Variants in CADM1 observed in about 807,000 individuals in gnomAD.
CADM1 encodes the protein TSLC-1.
In CADM1, 15 loss-of-function variants were observed where a neutral mutation model predicts 53.1. The observed-to-expected ratio is 0.28, with a 90% CI of 0.19 to 0.44. CADM1 has a LOEUF of 0.44. CADM1 is among the 20% of genes least tolerant of loss of function. The pLI is 1.00. For synonymous variants in CADM1, 281 were observed against 243.0 expected, an observed-to-expected ratio of 1.16 and a Z score of -1.45; for missense variants, 434 against 611.3, an observed-to-expected ratio of 0.71 and a Z score of 3.06.
chr11:115,419,384 A>G (rs1947696733), intron 1 of CADM1, among the ~76,000 whole-genome samples: 1 of 152,148 alleles, frequency 6.6e-6, no homozygotes, highest in African/African-American at 2.4e-5. Flanking sequence ...CTCTTCTTCA[A>G]TCCCAGTAGA....
chr11:115,340,658 A>ATATTTTTTTTTTTTTTT (rs60532835), intron 1 of CADM1, among the ~76,000 whole-genome samples: 2 of 34,944 alleles, frequency 5.7e-5, no homozygotes, highest in African/African-American at 2.8e-4. Flanking sequence ...ATATATATAT[A>ATATTTTTTTTTTTTTTT]TTTTTTTTTT....
intron 1 of CADM1, among the ~76,000 whole-genome samples, chr11:115,295,403 G>T (rs1341677557): frequency 6.7e-6 from 1 of 150,282 alleles, no homozygotes. Flanking sequence ...CACTGCTTCT[G>T]CCCTGGTTAA....
At chr11:115,385,002 T>C (rs1317875879) in intron 1 of CADM1, among the ~76,000 whole-genome samples, 3 of 152,130 alleles carry the variant, frequency 2.0e-5, no homozygotes, top group Admixed American at 6.5e-5. Context: ...CTAATCTAAA[T>C]AGAAGACCCA....
intron 9 of CADM1, among the ~76,000 whole-genome samples, chr11:115,195,622 C>T (rs887401730): frequency 1.3e-5 from 2 of 152,202 alleles, no homozygotes; most frequent in Non-Finnish European, 2.9e-5. Flanking sequence ...CAAATGGTTG[C>T]TGTAATGAAG....
At chr11:115,414,870 G>A (rs1253255861) in intron 1 of CADM1, among the ~76,000 whole-genome samples, 2 of 152,180 alleles carry the variant, frequency 1.3e-5, no homozygotes, top group African/African-American at 2.4e-5. Flanking sequence ...CTTCCACAAT[G>A]AAGTTCAAGC....
At chr11:115,467,570 C>T (rs1948922709) in intron 1 of CADM1, among the ~76,000 whole-genome samples, 1 of 152,140 alleles carries the variant, frequency 6.6e-6, no homozygotes, top group Non-Finnish European at 1.5e-5. Flanking sequence ...CATATTAAGG[C>T]ATAAAGAAAT....
rs556776718 is a variant in CADM1 at position 115,430,527 on chromosome 11, T to A, written c.124+73744A>T. Among the ~76,000 whole-genome samples the A allele has an allele frequency of 2.5e-4, 38 of 152,300 alleles. No individual in the cohort carries two copies. The South Asian group carries it at 7.9e-3, about 32-fold the overall frequency. Reference sequence around the variant, plus strand: ...CCTTAGTGAGAACCACCTACCTGATTTATAGCTCTGTCCACTGCATTCAGA... The same window carrying A: ...CCTTAGTGAGAACCACCTACCTGATATATAGCTCTGTCCACTGCATTCAGA... On this transcript the variant is annotated intron_variant, in intron 1 of 11. Transcript: ENST00000331581.
At chr11:115,444,593 C>T (rs138172603) in intron 1 of CADM1, among the ~76,000 whole-genome samples, 3 of 152,334 alleles carry the variant, frequency 2.0e-5, no homozygotes, top group South Asian at 2.1e-4. Context: ...TCTGAACATA[C>T]ACTTCATTCA....
chr11:115,289,656 C>T (rs1411368048), intron 1 of CADM1, among the ~76,000 whole-genome samples: 2 of 140,914 alleles, frequency 1.4e-5, no homozygotes, highest in African/African-American at 5.3e-5. Context: ...AGTGCAGTGG[C>T]GCGATCTCCG....
chr11:115,396,545 A>G (rs1270947619), intron 1 of CADM1, among the ~76,000 whole-genome samples: 1 of 152,214 alleles, frequency 6.6e-6, no homozygotes, highest in African/African-American at 2.4e-5. Flanking sequence ...AGGAGCACAT[A>G]AAGGTGAAGG....
At chr11:115,494,380 G>T (rs1158081197) in intron 1 of CADM1, among the ~76,000 whole-genome samples, 4 of 152,058 alleles carry the variant, frequency 2.6e-5, no homozygotes, top group African/African-American at 9.7e-5. Flanking sequence ...TCTACCAAAT[G>T]TCTTATGGGT....
intron 1 of CADM1, among the ~76,000 whole-genome samples, chr11:115,241,214 G>A (rs917969508): frequency 5.3e-5 from 8 of 152,106 alleles, no homozygotes; most frequent in Admixed American, 3.3e-4. Flanking sequence ...GATTAGTGAC[G>A]GCAGCCTGGG....
At chr11:115,337,258 A>C (rs1466857092) in intron 1 of CADM1, among the ~76,000 whole-genome samples, 1 of 152,162 alleles carries the variant, frequency 6.6e-6, no homozygotes, top group Non-Finnish European at 1.5e-5. Flanking sequence ...TTTAGCTGGC[A>C]TTATCAGTGC....
chr11:115,273,622 T>C (rs908530340), intron 1 of CADM1, among the ~76,000 whole-genome samples: 1 of 152,170 alleles, frequency 6.6e-6, no homozygotes, highest in African/African-American at 2.4e-5. Context: ...CTTAATTAAG[T>C]CTTTATCATC....
At chr11:115,438,897 T>C (rs918297753) in intron 1 of CADM1, among the ~76,000 whole-genome samples, 16 of 152,300 alleles carry the variant, frequency 1.1e-4, no homozygotes, top group South Asian at 4.2e-4. Context: ...TTCTTTTGCC[T>C]GCATCAGTCA....
intron 1 of CADM1, among the ~76,000 whole-genome samples, chr11:115,468,637 G>A (rs1303614426): frequency 6.6e-6 from 1 of 152,086 alleles, no homozygotes; most frequent in Non-Finnish European, 1.5e-5. Flanking sequence ...GTAGTTTTGT[G>A]GGTTTTGAGT....
intron 1 of CADM1, among the ~76,000 whole-genome samples, chr11:115,427,909 A>G (rs1285045852): frequency 1.3e-5 from 2 of 149,866 alleles, no homozygotes; most frequent in Non-Finnish European, 3.0e-5. Flanking sequence ...CCAGAGGCTA[A>G]GGTAAGAGAA....
chr11:115,363,375 G>A (rs531109668), intron 1 of CADM1, among the ~76,000 whole-genome samples: 21 of 152,252 alleles, frequency 1.4e-4, no homozygotes, highest in African/African-American at 5.1e-4. Context: ...TTGATTAGGG[G>A]TGCTCCAGGT....
chr11:115,497,355 C>G (rs550397167), intron 1 of CADM1, among the ~76,000 whole-genome samples: 1 of 152,342 alleles, frequency 6.6e-6, no homozygotes, highest in South Asian at 2.1e-4. Flanking sequence ...AAGATAATCA[C>G]CTCATTCAAG....
Sources: gnomAD v4.1 joint callset for allele counts (sites outside exome capture counted in the v4.1 genomes callset) on GRCh38, gnomAD v4.1.1 for gene constraint, MANE v1.5 for transcripts, NCBI Gene and HGNC (gene_info 2026-07-23, HGNC 2026-07-21) for gene names.